Variants in SEMA5A observed in about 807,000 individuals in gnomAD.
SEMA5A encodes semaphorin-5A.
A neutral mutation model predicts 135.5 loss-of-function variants in SEMA5A; 55 were observed. The observed-to-expected ratio is 0.41, with a 90% CI of 0.33 to 0.51. The LOEUF is 0.51. Among genes scored for constraint, SEMA5A ranks in the 20% least tolerant of loss-of-function variants. The pLI, the probability that SEMA5A is intolerant of heterozygous loss-of-function variation, is 0.37. For missense variants in SEMA5A, 1,290 were observed against 1,419.9 expected, an observed-to-expected ratio of 0.91 and a Z score of 1.47; for synonymous variants, 580 against 546.5, an observed-to-expected ratio of 1.06 and a Z score of -0.85.
intron 21 of SEMA5A, among the ~76,000 whole-genome samples, chr5:9,048,316 T>C (rs1391189239): frequency 6.6e-6 from 1 of 152,206 alleles, no homozygotes; most frequent in African/African-American, 2.4e-5. Flanking sequence ...CTTGGGCCAG[T>C]GACATCATCC....
chr5:9,353,164 G>GGAAAGGAAAGGAAAGGAAA (rs1754244880), intron 3 of SEMA5A, among the ~76,000 whole-genome samples: 3 of 29,352 alleles, frequency 1.0e-4, no homozygotes, highest in African/African-American at 1.9e-4. Flanking sequence ...AAGGAAAGGA[G>GGAAAGGAAAGGAAAGGAAA]GGAAAGGAAG....
intron 10 of SEMA5A, among the ~76,000 whole-genome samples, chr5:9,193,775 G>T (rs1053168333): frequency 2.7e-4 from 41 of 152,128 alleles, no homozygotes; most frequent in Admixed American, 2.6e-4. Flanking sequence ...GTGGGCACCT[G>T]TAATCCCAGA....
chr5:9,522,181 A>C (rs935616166), intron 1 of SEMA5A, among the ~76,000 whole-genome samples: 1 of 152,198 alleles, frequency 6.6e-6, no homozygotes, highest in African/African-American at 2.4e-5. Context: ...CCATGTAGAA[A>C]GGCAAGATCG....
At chr5:9,541,821 G>T (rs2126393960) in intron 1 of SEMA5A, among the ~76,000 whole-genome samples, 1 of 152,294 alleles carries the variant, frequency 6.6e-6, no homozygotes, top group Admixed American at 6.5e-5. Context: ...CTTTGAAGTT[G>T]CCTGGCTTCA....
At chr5:9,364,475 G>T (rs1579418323) in intron 3 of SEMA5A, among the ~76,000 whole-genome samples, 4 of 152,066 alleles carry the variant, frequency 2.6e-5, no homozygotes. Context: ...ATCCTAATAG[G>T]ATTTTAAAGC....
intron 2 of SEMA5A, among the ~76,000 whole-genome samples, chr5:9,384,673 GAT>G (rs34075622): frequency 0.12 from 11,214 of 90,212 alleles, 1,396 homozygotes; most frequent in African/African-American, 0.14. Flanking sequence ...TAGATAGATA[GAT>G]ATAGATAGAT....
intron 1 of SEMA5A, among the ~76,000 whole-genome samples, chr5:9,491,547 C>T (rs752803138): frequency 6.6e-6 from 1 of 151,418 alleles, no homozygotes; most frequent in Non-Finnish European, 1.5e-5. Flanking sequence ...GCAGGCAAAA[C>T]AATAAGGAGG....
intron 21 of SEMA5A, among the ~76,000 whole-genome samples, chr5:9,045,264 T>C (rs1387075343): frequency 1.3e-5 from 2 of 152,208 alleles, no homozygotes; most frequent in South Asian, 2.1e-4. Flanking sequence ...AGTTTATTCA[T>C]GCACCTCAAT....
chr5:9,345,297 T>C (rs997110729), intron 3 of SEMA5A, among the ~76,000 whole-genome samples: 3 of 152,140 alleles, frequency 2.0e-5, no homozygotes, highest in African/African-American at 7.2e-5. Flanking sequence ...ACAATCTAAC[T>C]TGGAGAAATG....
chr5:9,350,865 T>C (rs1169837249), intron 3 of SEMA5A, among the ~76,000 whole-genome samples: 1 of 152,222 alleles, frequency 6.6e-6, no homozygotes, highest in Non-Finnish European at 1.5e-5. Flanking sequence ...ACCCCATCAC[T>C]GTAATCAACC....
At chr5:9,343,586 T>C (rs569228877) in intron 3 of SEMA5A, among the ~76,000 whole-genome samples, 1 of 152,280 alleles carries the variant, frequency 6.6e-6, no homozygotes, top group East Asian at 1.9e-4. Context: ...CTCCTTAAAG[T>C]TGGCATGCTT....
At chr5:9,447,683 C>T (rs1462980115) in intron 1 of SEMA5A, among the ~76,000 whole-genome samples, 1 of 152,128 alleles carries the variant, frequency 6.6e-6, no homozygotes, top group African/African-American at 2.4e-5. Context: ...GTCATCCCCT[C>T]AATATAAATT....
chr5:9,476,600 C>A (rs376822451), intron 1 of SEMA5A, among the ~76,000 whole-genome samples: 1 of 152,128 alleles, frequency 6.6e-6, no homozygotes, highest in East Asian at 1.9e-4. Context: ...CTCAAACCAC[C>A]CTGGGCTCTG....
intron 5 of SEMA5A, among the ~76,000 whole-genome samples, chr5:9,252,617 C>T (rs528874626): frequency 6.6e-6 from 1 of 152,228 alleles, no homozygotes; most frequent in African/African-American, 2.4e-5. Flanking sequence ...AGACATTATG[C>T]AAACTGGTAA....
intron 1 of SEMA5A, among the ~76,000 whole-genome samples, chr5:9,537,545 T>A (rs907925921): frequency 7.2e-5 from 11 of 152,200 alleles, no homozygotes; most frequent in Admixed American, 1.3e-4. Flanking sequence ...TCCTCATAAA[T>A]AACTCCTTAC....
At chr5:9,125,609 T>C (rs922255746) in intron 13 of SEMA5A, among the ~76,000 whole-genome samples, 16 of 151,850 alleles carry the variant, frequency 1.1e-4, no homozygotes. Context: ...GGTTTTCTGT[T>C]AGAGCAATTC....
At chr5:9,541,297 CA>C (rs1363393861) in intron 1 of SEMA5A, among the ~76,000 whole-genome samples, 3 of 152,176 alleles carry the variant, frequency 2.0e-5, no homozygotes, top group Non-Finnish European at 4.4e-5. Context: ...AATTTACTCT[CA>C]ATTGTACATA....
intron 16 of SEMA5A, among the ~76,000 whole-genome samples, chr5:9,107,562 G>A (rs1739990326): frequency 6.6e-6 from 1 of 152,198 alleles, no homozygotes. Flanking sequence ...TAAGCAGGCT[G>A]AAGGCTTTGT....
intron 3 of SEMA5A, among the ~76,000 whole-genome samples, chr5:9,339,965 A>C (rs1051534554): frequency 6.6e-6 from 1 of 152,224 alleles, no homozygotes; most frequent in Non-Finnish European, 1.5e-5. Context: ...AGATGAAGTC[A>C]AGGTAAACAA....
Sources: allele counts gnomAD v4.1 joint callset (sites outside exome capture counted in the v4.1 genomes callset), GRCh38; gene constraint gnomAD v4.1.1; transcripts MANE v1.5; gene names NCBI Gene and HGNC (gene_info 2026-07-23, HGNC 2026-07-21).